Variants in ANKRD44 observed in about 807,000 individuals in gnomAD.
ANKRD44 encodes the protein ankyrin repeat domain 44, also known as serine/threonine-protein phosphatase 6 regulatory ankyrin repeat subunit B.
A neutral mutation model predicts 116.0 loss-of-function variants in ANKRD44; 35 were observed. The observed-to-expected ratio is 0.30, with a 90% confidence interval of 0.23 to 0.40. The LOEUF (loss-of-function observed/expected upper bound fraction) is 0.40, where lower values mean the gene tolerates loss of function less well. ANKRD44 is among the 10% of genes least tolerant of loss of function. The pLI is 1.00. For synonymous variants in ANKRD44, 435 were observed against 461.8 expected (o/e 0.94, Z 0.74); for missense variants, 1,014 against 1,242.6 (o/e 0.82, Z 2.77).
intron 3 of ANKRD44, among the ~76,000 whole-genome samples, chr2:197,141,529 C>T (rs2079366183): frequency 6.6e-6 from 1 of 152,168 alleles, no homozygotes; most frequent in Non-Finnish European, 1.5e-5. Flanking sequence ...TGATCCCACG[C>T]ATGCTGAACC....
At chr2:197,029,759 C>A in intron 16 of ANKRD44, 1 of 287,054 alleles carries the variant, frequency 3.5e-6, no homozygotes, top group Non-Finnish European at 6.9e-6. Flanking sequence ...TTTTTGATAT[C>A]ACTCCAGGTT....
chr2:197,228,482 A>T (rs148262100), intron 1 of ANKRD44, among the ~76,000 whole-genome samples: 12 of 152,280 alleles, frequency 7.9e-5, no homozygotes, highest in Admixed American at 2.6e-4. Flanking sequence ...CCAATTCTTT[A>T]TTGACTTTGA....
intron 21 of ANKRD44, among the ~76,000 whole-genome samples, chr2:197,002,907 C>T (rs1293654943): frequency 6.6e-6 from 1 of 152,038 alleles, no homozygotes; most frequent in East Asian, 1.9e-4. Context: ...GTAGATGGGA[C>T]AATTTGAAAT....
At chr2:197,004,975 T>C (rs2076176606) in intron 21 of ANKRD44, among the ~76,000 whole-genome samples, 1 of 152,254 alleles carries the variant, frequency 6.6e-6, no homozygotes, top group Middle Eastern at 3.4e-3. Context: ...ATATCTGCAA[T>C]ACAATTTAAA....
chr2:197,310,725 A>G lies in ANKRD44; in HGVS notation c.-121T>C. 1 of 1,076,684 alleles carries G rather than the reference A, an allele frequency of 9.3e-7. No homozygotes were observed. The highest frequency in any genetic ancestry group is 1.7e-5 in the African/African-American group (1 of 58,780). The allele number at this position is 1,076,684 out of a possible 1,614,324, so 66.7% of individuals were successfully genotyped here. A position where few individuals can be genotyped will look rare whatever the true frequency, so the allele number is the denominator to read the frequency against. On this transcript the variant is annotated 5_prime_UTR_variant, in exon 1 of 28. Transcript: ENST00000282272. Reference sequence around the variant, plus strand: ...AAAAAATCTGGCTCCCGAATTTGACAGCCCTCCCCCTGCTCCTCCTCCGCC... The same window carrying G: ...AAAAAATCTGGCTCCCGAATTTGACGGCCCTCCCCCTGCTCCTCCTCCGCC...
intron 21 of ANKRD44, among the ~76,000 whole-genome samples, chr2:196,976,800 C>T (rs989169039): frequency 1.3e-5 from 2 of 151,552 alleles, no homozygotes; most frequent in Non-Finnish European, 2.9e-5. Context: ...CCCAGGAAGT[C>T]GAGGCTAAAG....
At chr2:197,138,375 T>A (rs1244498907) in intron 3 of ANKRD44, among the ~76,000 whole-genome samples, 1 of 152,170 alleles carries the variant, frequency 6.6e-6, no homozygotes, top group African/African-American at 2.4e-5. Flanking sequence ...AATACATATC[T>A]TTTTAAGAGC....
intron 1 of ANKRD44, among the ~76,000 whole-genome samples, chr2:197,286,465 C>A (rs1432431328): frequency 6.6e-6 from 1 of 151,570 alleles, no homozygotes; most frequent in African/African-American, 2.4e-5. Context: ...GCCTCAATCT[C>A]CTGGGCCCAA....
chr2:197,296,201 AC>A (rs1178449299), intron 1 of ANKRD44: 1 of 152,152 alleles, frequency 6.6e-6, no homozygotes, highest in African/African-American at 2.4e-5. Context: ...AGCTCCTAAT[AC>A]CTGACTTCCC....
Position 197,201,446 on chromosome 2 carries a change from T to C in ANKRD44, c.28-14340A>G, listed in dbSNP as rs1399112777. On this transcript the variant is annotated intron_variant, in intron 1 of 27. Coordinates refer to ENST00000282272, the MANE Select transcript of ANKRD44 (RefSeq NM_001195144.2). This position sits in a 1 kb window ranked among gnomAD's most constrained non-coding sequence, Gnocchi z 4.0. ...GGCAACTGAGGTCTGAGACAAGGCA[T>C]CAGGGAGATAGGATCCTTTGGCCTC... Among the ~76,000 whole-genome samples the C allele has an allele frequency of 6.6e-6, 1 of 152,164 alleles. No individual in the cohort carries two copies. Among genetic ancestry groups the C allele is most frequent in the Admixed American group, 6.5e-5 (1 of 15,272 alleles).
chr2:197,272,680 G>A (rs1205546075), intron 1 of ANKRD44, among the ~76,000 whole-genome samples: 1 of 152,140 alleles, frequency 6.6e-6, no homozygotes, highest in African/African-American at 2.4e-5. Context: ...CTGCCATTAT[G>A]AAATAGACCC....
chr2:197,058,369 G>T (rs2077243573), intron 16 of ANKRD44, among the ~76,000 whole-genome samples: 1 of 150,174 alleles, frequency 6.7e-6, no homozygotes, highest in African/African-American at 2.4e-5. Context: ...ATTCACAGAG[G>T]TGTTCTCCCC....
At chr2:197,097,800 C>A (rs1346646929) in intron 10 of ANKRD44, among the ~76,000 whole-genome samples, 1 of 152,186 alleles carries the variant, frequency 6.6e-6, no homozygotes, top group Non-Finnish European at 1.5e-5. Flanking sequence ...ACCTGTTCTA[C>A]GCCCACTTAG....
At chr2:197,082,899 C>G (rs2077830298) in intron 14 of ANKRD44, among the ~76,000 whole-genome samples, 1 of 152,172 alleles carries the variant, frequency 6.6e-6, no homozygotes, top group South Asian at 2.1e-4. Context: ...TCCTCTAGCT[C>G]CTGAAAGGGC....
At chr2:197,268,863 G>GAAAAA (rs1389544301) in intron 1 of ANKRD44, among the ~76,000 whole-genome samples, 1 of 152,156 alleles carries the variant, frequency 6.6e-6, no homozygotes, top group East Asian at 1.9e-4. Flanking sequence ...GGGAAATCAT[G>GAAAAA]TTTTAAAATG....
intron 16 of ANKRD44, among the ~76,000 whole-genome samples, chr2:197,049,893 A>G (rs541304145): frequency 2.0e-5 from 3 of 152,308 alleles, no homozygotes; most frequent in Admixed American, 6.5e-5. Context: ...AGCTAATCCA[A>G]TGATCTCTCT....
intron 16 of ANKRD44, among the ~76,000 whole-genome samples, chr2:197,043,398 G>C (rs890702771): frequency 3.3e-5 from 5 of 152,006 alleles, no homozygotes; most frequent in Admixed American, 2.6e-4. Flanking sequence ...GTAGAGATGG[G>C]GGTCTCACTA....
chr2:197,047,960 T>C (rs1408264330), intron 16 of ANKRD44, among the ~76,000 whole-genome samples: 3 of 150,880 alleles, frequency 2.0e-5, no homozygotes, highest in Non-Finnish European at 4.4e-5. Flanking sequence ...CTATAACAAA[T>C]GCCCTCTGGA....
At chr2:197,058,984 A>C (rs1348756442) in intron 16 of ANKRD44, among the ~76,000 whole-genome samples, 3 of 151,848 alleles carry the variant, frequency 2.0e-5, no homozygotes, top group Non-Finnish European at 4.4e-5. Context: ...GACTTGTGAG[A>C]GCTATTCTTA....
Sources: allele counts gnomAD v4.1 joint callset (sites outside exome capture counted in the v4.1 genomes callset), GRCh38; gene constraint gnomAD v4.1.1; non-coding constraint Gnocchi (gnomAD v3.1); transcripts MANE v1.5; gene names NCBI Gene and HGNC (gene_info 2026-07-23, HGNC 2026-07-21).